The following EPHB1 variants were observed in gnomAD, a reference collection of about 807,000 sequenced individuals.
EPHB1 encodes the protein EPH receptor B1, also known as ephrin type-B receptor 1.
A neutral mutation model predicts 94.4 loss-of-function variants in EPHB1; 30 were observed. The observed-to-expected ratio is 0.32, with a 90% CI of 0.24 to 0.43. The LOEUF is 0.43. Among genes scored for constraint, EPHB1 ranks in the 20% least tolerant of loss-of-function variants. The pLI is 1.00. For synonymous variants in EPHB1, 522 were observed against 489.1 expected, an observed-to-expected ratio of 1.07 and a Z score of -0.89; for missense variants, 1,055 against 1,308.3, an observed-to-expected ratio of 0.81 and a Z score of 2.99.
At chr3:135,255,662 G>T (rs1473050200) in intron 15 of EPHB1, among the ~76,000 whole-genome samples, 36 of 151,138 alleles carry the variant, frequency 2.4e-4, no homozygotes, top group African/African-American at 8.0e-4. Context: ...TGGAATAGGT[G>T]TGGTGTGGTG....
intron 3 of EPHB1, among the ~76,000 whole-genome samples, chr3:135,094,389 T>C (rs938247693): frequency 1.3e-5 from 2 of 152,190 alleles, no homozygotes; most frequent in Non-Finnish European, 2.9e-5. Context: ...ATGTCCAGTG[T>C]GTAGGCTCCA....
At chr3:134,925,773 A>T (rs1178166247) in intron 1 of EPHB1, 43 bp from the exon 2 acceptor site, 3 of 1,513,862 alleles carry the variant, frequency 2.0e-6, no homozygotes, top group Non-Finnish European at 2.7e-6. Context: ...AATCCTTCTG[A>T]CTCATTGTTT....
At chr3:135,159,944 T>C (rs1338800814) in intron 6 of EPHB1, among the ~76,000 whole-genome samples, 2 of 152,198 alleles carry the variant, frequency 1.3e-5, no homozygotes, top group Admixed American at 6.5e-5. Context: ...CATTCATCCA[T>C]GTGGCTAATT....
intron 5 of EPHB1, among the ~76,000 whole-genome samples, chr3:135,133,617 T>G (rs1207245715): frequency 6.6e-6 from 1 of 152,236 alleles, no homozygotes. Context: ...AGTTCAAAAG[T>G]GTATTCTCCT....
intron 1 of EPHB1, among the ~76,000 whole-genome samples, chr3:134,818,319 G>A (rs2036309242): frequency 6.6e-6 from 1 of 152,154 alleles, no homozygotes; most frequent in Admixed American, 6.5e-5. Context: ...CTTGGCTTAG[G>A]ATGTATGACC....
intron 3 of EPHB1, among the ~76,000 whole-genome samples, chr3:135,027,265 G>A (rs1936219247): frequency 6.6e-6 from 1 of 151,898 alleles, no homozygotes; most frequent in African/African-American, 2.4e-5. Context: ...AATAGGAGTG[G>A]TGAGAGAGGG....
At chr3:134,945,183 A>G (rs1017783709) in intron 2 of EPHB1, among the ~76,000 whole-genome samples, 2 of 152,010 alleles carry the variant, frequency 1.3e-5, no homozygotes, top group African/African-American at 4.8e-5. Flanking sequence ...CTTTTTTTCT[A>G]TCAGGTTTTC....
At chr3:134,964,222 T>C (rs1268676401) in intron 3 of EPHB1, among the ~76,000 whole-genome samples, 5 of 152,050 alleles carry the variant, frequency 3.3e-5, no homozygotes, top group African/African-American at 1.2e-4. Flanking sequence ...CCGAAGAAAC[T>C]GGGGAGGAAT....
intron 3 of EPHB1, among the ~76,000 whole-genome samples, chr3:135,040,219 T>C (rs1203986843): frequency 6.6e-6 from 1 of 152,202 alleles, no homozygotes; most frequent in Admixed American, 6.5e-5. Flanking sequence ...CCACCATCCA[T>C]ATCTGGGGTA....
At chr3:134,980,700 A>G (rs1037106935) in intron 3 of EPHB1, among the ~76,000 whole-genome samples, 2 of 152,184 alleles carry the variant, frequency 1.3e-5, no homozygotes, top group Non-Finnish European at 1.5e-5. Flanking sequence ...GTCAGAGAAG[A>G]GGTGACTCTT....
At chr3:134,827,573 G>C (rs1487978545) in intron 1 of EPHB1, among the ~76,000 whole-genome samples, 9 of 152,220 alleles carry the variant, frequency 5.9e-5, no homozygotes, top group Admixed American at 5.9e-4. Context: ...CAGAAACAGG[G>C]AGACTAATTT....
intron 3 of EPHB1, among the ~76,000 whole-genome samples, chr3:134,982,937 C>T (rs191313408): frequency 7.9e-5 from 12 of 152,336 alleles, no homozygotes; most frequent in African/African-American, 2.4e-4. Context: ...GCTTTTTCTG[C>T]AGCCTGACCC....
chr3:135,119,381 A>AT (rs1182704706), intron 4 of EPHB1, among the ~76,000 whole-genome samples: 1 of 151,970 alleles, frequency 6.6e-6, no homozygotes, highest in Non-Finnish European at 1.5e-5. Context: ...TTTTGACTAC[A>AT]TTTTATATAT....
chr3:135,089,933 T>C (rs186562608), intron 3 of EPHB1, among the ~76,000 whole-genome samples: 6 of 152,356 alleles, frequency 3.9e-5, no homozygotes, highest in African/African-American at 1.4e-4. Flanking sequence ...AAGTGCTAAG[T>C]GTATCCTTAA....
intron 1 of EPHB1, among the ~76,000 whole-genome samples, chr3:134,910,571 T>C (rs961234165): frequency 2.0e-5 from 3 of 152,180 alleles, no homozygotes; most frequent in Non-Finnish European, 4.4e-5. Flanking sequence ...TCTCCAGATA[T>C]CTTGGTGATA....
At chr3:134,854,741 A>G (rs1470971239) in intron 1 of EPHB1, among the ~76,000 whole-genome samples, 2 of 152,208 alleles carry the variant, frequency 1.3e-5, no homozygotes, top group Non-Finnish European at 1.5e-5. Flanking sequence ...TGGCTTGGCC[A>G]TAGAAATTCA....
intron 2 of EPHB1, among the ~76,000 whole-genome samples, chr3:134,947,171 A>AT (rs140891648): frequency 0.012 from 1,875 of 151,674 alleles, 26 homozygotes; most frequent in Non-Finnish European, 0.019. Context: ...TTCAGTAGAC[A>AT]TTTTTTTTTC....
At chr3:134,916,343 C>A (rs142786814) in intron 1 of EPHB1, among the ~76,000 whole-genome samples, 38 of 152,346 alleles carry the variant, frequency 2.5e-4, no homozygotes, top group Non-Finnish European at 4.6e-4. Flanking sequence ...GCCAGTCCCG[C>A]GCTGTGTGCC....
intron 3 of EPHB1, among the ~76,000 whole-genome samples, chr3:135,090,486 C>T (rs1248060446): frequency 1.3e-5 from 2 of 152,214 alleles, no homozygotes; most frequent in African/African-American, 4.8e-5. Context: ...GGTTATTACT[C>T]ATGGTTGTTT....
Sources: allele counts gnomAD v4.1 joint callset (sites outside exome capture counted in the v4.1 genomes callset), GRCh38; gene constraint gnomAD v4.1.1; transcripts MANE v1.5; gene names NCBI Gene and HGNC (gene_info 2026-07-23, HGNC 2026-07-21).